MIA2: variants seen among roughly 807,000 people sequenced by gnomAD.
MIA2 encodes the protein melanoma inhibitory activity protein 2.
A neutral mutation model predicts 167.8 loss-of-function variants in MIA2; 127 were observed. That is an observed-to-expected ratio of 0.76 (90% CI 0.66 to 0.88). MIA2 has a LOEUF of 0.88. Ranked by LOEUF, MIA2 falls within the 40% of genes least tolerant of loss-of-function variation. MIA2 has a pLI of 0.00. For missense variants in MIA2, 1,690 were observed against 1,624.7 expected (o/e 1.04, Z -0.69); for synonymous variants, 552 against 541.9 (o/e 1.02, Z -0.26).
intron 25 of MIA2, among the ~76,000 whole-genome samples, chr14:39,337,937 G>C (rs930218422): frequency 6.6e-6 from 1 of 152,052 alleles, no homozygotes; most frequent in Non-Finnish European, 1.5e-5. Context: ...TAGCCAGGCT[G>C]GTCTCGAACT....
At chr14:39,356,363 G>C (rs1278795715), downstream of MIA2, among the ~76,000 whole-genome samples, 3 of 152,150 alleles carry the variant, frequency 2.0e-5, no homozygotes, top group Non-Finnish European at 4.4e-5. Flanking sequence ...AGTATTCTCT[G>C]ATGGTAGTTT....
chr14:39,372,583 T>C (rs2074969957), intron 23 of MIA2, among the ~76,000 whole-genome samples: 1 of 152,180 alleles, frequency 6.6e-6, no homozygotes, highest in Non-Finnish European at 1.5e-5. Context: ...TTTAAATAAC[T>C]TGAGGGTATG....
At chr14:39,364,659 C>T (rs1211174982) in intron 23 of MIA2, among the ~76,000 whole-genome samples, 1 of 151,828 alleles carries the variant, frequency 6.6e-6, no homozygotes, top group Non-Finnish European at 1.5e-5. Context: ...ACTTTATTTT[C>T]CCTTTTGTTA....
At chr14:39,342,147 T>G in intron 25 of MIA2, among the ~76,000 whole-genome samples, 1 of 152,138 alleles carries the variant, frequency 6.6e-6, no homozygotes. Flanking sequence ...TAGGTATCTC[T>G]CCTAATGCTA....
Position 39,259,352 on chromosome 14 carries a change from G to C in MIA2, c.1887+6181G>C, listed in dbSNP as rs185625623. On this transcript the variant is annotated intron_variant, in intron 6 of 28. Transcript: ENST00000640607. The stretch of plus-strand genomic sequence containing the variant: ...CCAGTCCAGACCGCCCAGCCAAGGA[G>C]GCAGATTTTGGACAGCTACTAGTAT... Among the ~76,000 whole-genome samples, 154 of 143,094 alleles carry C rather than the reference G, an allele frequency of 1.1e-3. 1 individual carries two copies. The highest frequency in any genetic ancestry group is 3.4e-3 in the African/African-American group (137 of 40,894). 93.9% of individuals were successfully genotyped at this position (143,094 alleles called of 152,430 possible).
chr14:39,326,839 T>C, intron 24 of MIA2, 25 bp from the exon 25 acceptor site: 1 of 1,440,968 alleles, frequency 6.9e-7, no homozygotes, highest in Non-Finnish European at 9.0e-7. Flanking sequence ...GAAACAGATT[T>C]GTATGTTTTT....
chr14:39,346,111 T>G, intron 26 of MIA2, 85 bp downstream of exon 26: 1 of 1,170,986 alleles, frequency 8.5e-7, no homozygotes, highest in Non-Finnish European at 1.3e-6. Flanking sequence ...CCAATATAAT[T>G]GCTATCTCTA....
chr14:39,349,530 G>T lies in MIA2; in HGVS notation c.4072+553G>T, dbSNP rs141114097. On this transcript the variant is annotated intron_variant, in intron 28 of 28. Transcript: ENST00000640607. ...CATACTTTACTGTTTTGAACTATAG[G>T]GTTCTGCAGAATAAATATGTGGTTA... Among the ~76,000 whole-genome samples, 61 of 152,240 alleles carry T rather than the reference G, an allele frequency of 4.0e-4. 1 individual carries two copies. In the East Asian group the frequency reaches 0.011, roughly 28 times the overall value.
intron 11 of MIA2, among the ~76,000 whole-genome samples, 192 bp downstream of exon 11, chr14:39,293,573 A>G (rs1381727783): frequency 6.6e-6 from 1 of 152,120 alleles, no homozygotes; most frequent in Non-Finnish European, 1.5e-5. Flanking sequence ...TTTCTTGCAT[A>G]TTTTTATAGA....
chr14:39,291,682 A>G (rs1276928064), intron 10 of MIA2, among the ~76,000 whole-genome samples: 5 of 152,164 alleles, frequency 3.3e-5, no homozygotes, highest in Admixed American at 1.3e-4. Flanking sequence ...GCCAGTTTCA[A>G]GCTACCAACA....
intron 6 of MIA2, chr14:39,267,258 G>T (rs1331019052): frequency 1.4e-6 from 2 of 1,418,540 alleles, no homozygotes; most frequent in Admixed American, 2.9e-5. Flanking sequence ...ATAACAAGAG[G>T]GTCGGGATGG....
At chr14:39,300,275 A>T (rs1443774122) in intron 14 of MIA2, among the ~76,000 whole-genome samples, 1 of 152,058 alleles carries the variant, frequency 6.6e-6, no homozygotes, top group Non-Finnish European at 1.5e-5. Context: ...TCTCTTCAGG[A>T]TGCTATCTGC....
At chr14:39,265,114 T>C (rs2055392833) in intron 6 of MIA2, among the ~76,000 whole-genome samples, 1 of 151,964 alleles carries the variant, frequency 6.6e-6, no homozygotes, top group Admixed American at 6.6e-5. Flanking sequence ...GGTAGTAATA[T>C]GTACATTTTA....
At chr14:39,382,216 C>T (rs888904163) in intron 23 of MIA2, among the ~76,000 whole-genome samples, 1 of 152,146 alleles carries the variant, frequency 6.6e-6, no homozygotes, top group African/African-American at 2.4e-5. Flanking sequence ...AGATCTCAAT[C>T]AAATTTTGGG....
chr14:39,277,554 G>T (rs1225139386), intron 7 of MIA2, among the ~76,000 whole-genome samples: 7 of 149,846 alleles, frequency 4.7e-5, no homozygotes, highest in Non-Finnish European at 1.0e-4. Context: ...GTCTTGTGTT[G>T]CTCAGGCTGG....
chr14:39,362,043 G>C (rs993511937), intron 23 of MIA2, among the ~76,000 whole-genome samples: 2 of 152,124 alleles, frequency 1.3e-5, no homozygotes, highest in Non-Finnish European at 2.9e-5. Context: ...AAACCCACTT[G>C]AATATAGTTT....
Position 39,265,302 on chromosome 14 carries a change from T to C in MIA2, c.1888-11632T>C, listed in dbSNP as rs2055418197. On this transcript the variant is annotated intron_variant, in intron 6 of 28. Transcript: ENST00000640607. ...AGTGTGGAAACAGAAGAGTGCAGGA[T>C]ATATTAGAATCTGAAATCTTTCTCA... 18 of 963,718 alleles carry C rather than the reference T, an allele frequency of 1.9e-5. No homozygotes were observed. The South Asian group carries it at 2.4e-4, about 13-fold the overall frequency. 59.7% of individuals were successfully genotyped at this position (963,718 alleles called of 1,614,324 possible). A position where few individuals can be genotyped will look rare whatever the true frequency, so the allele number is the denominator to read the frequency against.
chr14:39,354,347 G>A (rs186544639), downstream of MIA2, among the ~76,000 whole-genome samples: 1 of 152,172 alleles, frequency 6.6e-6, no homozygotes, highest in African/African-American at 2.4e-5. Context: ...GTGTCTGTAG[G>A]CTGCATAAAT....
At chr14:39,280,911 G>GTTTTTT (rs751903170) in intron 9 of MIA2, among the ~76,000 whole-genome samples, 9 of 60,210 alleles carry the variant, frequency 1.5e-4, no homozygotes, top group East Asian at 5.9e-4. Context: ...TATTAGTTTA[G>GTTTTTT]TTTTTTTTTT....
Sources: allele counts gnomAD v4.1 joint callset (sites outside exome capture counted in the v4.1 genomes callset), GRCh38; gene constraint gnomAD v4.1.1; transcripts MANE v1.5; gene names NCBI Gene and HGNC (gene_info 2026-07-23, HGNC 2026-07-21).